Variants in EIF3E observed in about 807,000 individuals in gnomAD.
The protein encoded by EIF3E is eukaryotic translation initiation factor 3 subunit E.
Under a neutral mutation model 59.3 loss-of-function variants are expected in EIF3E, and 25 were observed. That is an observed-to-expected ratio of 0.42 (90% CI 0.31 to 0.59). The LOEUF is 0.59. Ranked by LOEUF, EIF3E falls within the 20% of genes least tolerant of loss-of-function variation. The probability of loss-of-function intolerance (pLI) is 0.15; values close to 1 mark genes in which losing one functional copy is unlikely to be tolerated. For synonymous variants in EIF3E, 176 were observed against 170.2 expected, an observed-to-expected ratio of 1.03 and a Z score of -0.26; for missense variants, 317 against 534.3, an observed-to-expected ratio of 0.59 and a Z score of 4.01.
At chr8:108,206,844 G>A (rs933390851) in intron 10 of EIF3E, among the ~76,000 whole-genome samples, 3 of 152,014 alleles carry the variant, frequency 2.0e-5, no homozygotes, top group Non-Finnish European at 2.9e-5. Context: ...ACTCTAACTA[G>A]AATTCTCTAT....
intron 5 of EIF3E, among the ~76,000 whole-genome samples, chr8:108,233,007 T>G (rs73306553): frequency 0.013 from 1,975 of 152,320 alleles, 48 homozygotes; most frequent in African/African-American, 0.045. Context: ...GATTTTACAA[T>G]CCGGGTTTAA....
At chr8:108,212,560 G>T (rs111636691) in intron 10 of EIF3E, among the ~76,000 whole-genome samples, 5,798 of 152,244 alleles carry the variant, frequency 0.038, 332 homozygotes, top group African/African-American at 0.12. Flanking sequence ...CCAGCACTTT[G>T]GGAGAACAAG....
At chr8:108,202,105 A>T (rs1815005254) in intron 12 of EIF3E, among the ~76,000 whole-genome samples, 182 bp from the exon 13 acceptor site, 1 of 152,068 alleles carries the variant, frequency 6.6e-6, no homozygotes, top group South Asian at 2.1e-4. Context: ...ACAAACACCA[A>T]AATTATTATC....
chr8:108,222,596 T>C (rs639746), intron 7 of EIF3E, among the ~76,000 whole-genome samples: 76,267 of 152,006 alleles, frequency 0.5, 19,200 homozygotes, highest in African/African-American at 0.58. Context: ...ATGTGCTCTT[T>C]TGTTTTACTT....
intron 5 of EIF3E, 193 bp downstream of exon 5, chr8:108,234,805 T>A (rs112197348): frequency 2.7e-6 from 1 of 368,358 alleles, no homozygotes; most frequent in Admixed American, 4.5e-5. Context: ...CCTCCAAATT[T>A]TGAGGCCCTG....
intron 12 of EIF3E, among the ~76,000 whole-genome samples, 154 bp downstream of exon 12, chr8:108,202,829 G>C (rs1244480448): frequency 1.3e-5 from 2 of 151,894 alleles, no homozygotes; most frequent in African/African-American, 4.8e-5. Flanking sequence ...ATACATCTAA[G>C]AAAAAATTTT....
intron 3 of EIF3E, among the ~76,000 whole-genome samples, chr8:108,238,023 C>T (rs1387663167): frequency 6.6e-6 from 1 of 152,200 alleles, no homozygotes; most frequent in African/African-American, 2.4e-5. Context: ...CTTTTTCTAA[C>T]TGGTGAACAC....
chr8:108,246,693 T>C (rs1281612599), intron 1 of EIF3E, among the ~76,000 whole-genome samples: 4 of 152,130 alleles, frequency 2.6e-5, no homozygotes, highest in African/African-American at 9.7e-5. Flanking sequence ...CCACCTCTGC[T>C]ACCCCTGAAA....
chr8:108,220,125 C>A (rs762487343), intron 7 of EIF3E, among the ~76,000 whole-genome samples: 1 of 148,906 alleles, frequency 6.7e-6, no homozygotes, highest in East Asian at 2.0e-4. Flanking sequence ...GCCTGGGCGA[C>A]GGAGCAAGAC....
intron 2 of EIF3E, 30 bp downstream of exon 2, chr8:108,241,769 A>T (rs909455025): frequency 8.1e-6 from 11 of 1,365,448 alleles, no homozygotes; most frequent in Non-Finnish European, 1.1e-5. Context: ...AAGTCACAAG[A>T]CAAGTTTCAG....
At chr8:108,217,659 A>G (rs1213604217) in intron 7 of EIF3E, among the ~76,000 whole-genome samples, 199 bp from the exon 8 acceptor site, 1 of 152,184 alleles carries the variant, frequency 6.6e-6, no homozygotes, top group East Asian at 1.9e-4. Flanking sequence ...AATGCTAGCC[A>G]CTATTTCTTT....
At chr8:108,247,500 C>A (rs1444123775) in intron 1 of EIF3E, among the ~76,000 whole-genome samples, 2 of 152,166 alleles carry the variant, frequency 1.3e-5, no homozygotes, top group Non-Finnish European at 1.5e-5. Context: ...TGAAAATGAT[C>A]TTAGCCGTTA....
chr8:108,223,811 T>C (rs561081486), intron 7 of EIF3E, among the ~76,000 whole-genome samples: 3 of 147,864 alleles, frequency 2.0e-5, no homozygotes, highest in South Asian at 2.1e-4. Flanking sequence ...CAGAATAAAT[T>C]ATGGCAGAAA....
At chr8:108,211,613 A>C (rs908200918) in intron 10 of EIF3E, among the ~76,000 whole-genome samples, 2 of 152,198 alleles carry the variant, frequency 1.3e-5, no homozygotes, top group East Asian at 1.9e-4. Context: ...AACACGAAGA[A>C]GCTTATCTTC....
intron 3 of EIF3E, among the ~76,000 whole-genome samples, chr8:108,239,439 G>A (rs541879714): frequency 2.1e-4 from 32 of 152,194 alleles, no homozygotes; most frequent in South Asian, 2.1e-4. Context: ...TAGGCTCAAC[G>A]GATTCACTTG....
intron 7 of EIF3E, 147 bp from the exon 8 acceptor site, chr8:108,217,607 A>T (rs1815328561): frequency 3.2e-6 from 2 of 616,452 alleles, no homozygotes; most frequent in Non-Finnish European, 5.1e-6. Flanking sequence ...CCTCCAAGGA[A>T]ATTTAAAAAC....
intron 8 of EIF3E, 81 bp from the exon 9 acceptor site, chr8:108,216,594 G>A (rs1815310401): frequency 1.1e-6 from 1 of 934,948 alleles, no homozygotes. Context: ...CAATCTTCTT[G>A]TTTTCTCCTT....
intron 1 of EIF3E, among the ~76,000 whole-genome samples, chr8:108,245,723 TAAAGA>T (rs1157022541): frequency 6.6e-6 from 1 of 152,096 alleles, no homozygotes; most frequent in East Asian, 1.9e-4. Flanking sequence ...CACATGAAAA[TAAAGA>T]AGAGTGAGAA....
intron 10 of EIF3E, among the ~76,000 whole-genome samples, chr8:108,212,727 G>A (rs35021290): frequency 0.024 from 3,652 of 152,184 alleles, 63 homozygotes; most frequent in South Asian, 0.073. Flanking sequence ...TCTTGAACGC[G>A]AGAGGCAGAG....
Sources: allele counts gnomAD v4.1 joint callset (sites outside exome capture counted in the v4.1 genomes callset), GRCh38; gene constraint gnomAD v4.1.1; transcripts MANE v1.5; gene names NCBI Gene and HGNC (gene_info 2026-07-23, HGNC 2026-07-21).